Variants in TMEM14C observed in about 807,000 individuals in gnomAD.
TMEM14C encodes the protein chromosome 6 open reading frame 53.
A neutral mutation model predicts 14.8 loss-of-function variants in TMEM14C; 13 were observed. The observed-to-expected ratio is 0.88, with a 90% confidence interval of 0.57 to 1.40. TMEM14C has a LOEUF of 1.40. TMEM14C is among the 40% of genes most tolerant of loss of function. The pLI, the probability that TMEM14C is intolerant of heterozygous loss-of-function variation, is 0.00. For synonymous variants in TMEM14C, 57 were observed against 51.3 expected, an observed-to-expected ratio of 1.11 and a Z score of -0.48; for missense variants, 142 against 138.8, an observed-to-expected ratio of 1.02 and a Z score of -0.12.
intron 3 of TMEM14C, 77 bp from the exon 4 acceptor site, chr6:10,725,830 G>T: frequency 6.3e-7 from 1 of 1,577,138 alleles, no homozygotes; most frequent in Non-Finnish European, 8.7e-7. Flanking sequence ...CTCCTTTGTA[G>T]GGCAGCGGTC....
At chr6:10,724,819 T>C in intron 2 of TMEM14C, 142 bp from the exon 3 acceptor site, 1 of 1,332,776 alleles carries the variant, frequency 7.5e-7, no homozygotes, top group Non-Finnish European at 1.1e-6. Flanking sequence ...TGTGTGACTC[T>C]CAGAAAGTCA....
chr6:10,726,487 C>T (rs1465759210), intron 4 of TMEM14C, among the ~76,000 whole-genome samples: 8 of 152,170 alleles, frequency 5.3e-5, no homozygotes, highest in African/African-American at 7.2e-5. Flanking sequence ...GTGAGAAGTT[C>T]GAGACCAGCC....
At chr6:10,729,349 G>A (rs866441189) in intron 5 of TMEM14C, among the ~76,000 whole-genome samples, 3 of 152,154 alleles carry the variant, frequency 2.0e-5, no homozygotes, top group African/African-American at 7.2e-5. Flanking sequence ...TGGCCAGGCT[G>A]GTCTGGAACT....
At chr6:10,724,391 A>G in intron 1 of TMEM14C, 179 bp from the exon 2 acceptor site, 1 of 577,268 alleles carries the variant, frequency 1.7e-6, no homozygotes, top group South Asian at 2.2e-5. Flanking sequence ...AAGCACCTTT[A>G]CATGTGACAT....
intron 4 of TMEM14C, 90 bp from the exon 5 acceptor site, chr6:10,728,550 T>C: frequency 7.3e-7 from 1 of 1,372,852 alleles, no homozygotes; most frequent in South Asian, 1.2e-5. Context: ...GGCGTGAGCC[T>C]TGAGAGATGG....
At chr6:10,727,461 T>G (rs763400512) in intron 4 of TMEM14C, among the ~76,000 whole-genome samples, 25 of 151,354 alleles carry the variant, frequency 1.7e-4, no homozygotes, top group Non-Finnish European at 3.1e-4. Flanking sequence ...TATCTCAGCC[T>G]TCTAGGTAGC....
At chr6:10,724,373 T>C (rs1770792243) in intron 1 of TMEM14C, 197 bp from the exon 2 acceptor site, 1 of 545,810 alleles carries the variant, frequency 1.8e-6, no homozygotes, top group Non-Finnish European at 3.3e-6. Context: ...CAGGGTTTAC[T>C]AGGTGCTAAG....
chr6:10,723,644 T>A (rs371515930), intron 1 of TMEM14C, among the ~76,000 whole-genome samples: 1 of 138,150 alleles, frequency 7.2e-6, no homozygotes. Context: ...CTGTCGCCCA[T>A]GCTTGAGTGC....
chr6:10,724,411 G>A (rs1770793385), intron 1 of TMEM14C, 159 bp from the exon 2 acceptor site: 1 of 592,764 alleles, frequency 1.7e-6, no homozygotes, highest in Non-Finnish European at 3.0e-6. Flanking sequence ...TCCATTGAAT[G>A]CTCACTACAG....
rs1770814815 is a variant in TMEM14C, at chr6:10,725,027, T to C, written c.87T>C (p.Tyr29=). The C allele has an allele frequency of 6.2e-7, 1 of 1,614,126 alleles. No individual in the cohort carries two copies. The highest frequency in any genetic ancestry group is 1.3e-5 in the African/African-American group (1 of 74,926). ...TTGCTTCTGGTGGGATCATTGGCTATGTAAAAGCAGGTAGGGTTTTGTTGT... is the reference window on the plus strand; with the variant it reads ...TTGCTTCTGGTGGGATCATTGGCTACGTAAAAGCAGGTAGGGTTTTGTTGT... ...ALVASGGIIG[Y]VKAGSVPSLA... Residue 29 remains tyrosine, a synonymous_variant, in exon 3 of 6, where the codon TAT becomes TAC. Transcript: ENST00000229563.
At position 10,724,634 on chromosome 6, in the gene TMEM14C, G is replaced by T; in HGVS notation, c.20+1G>T. On this transcript the variant is annotated splice_donor_variant, in intron 2 of 5. Transcript: ENST00000229563. LOFTEE classifies it high-confidence loss of function. ...GAAAAATGCAGGACACTGGCTCAGT[G>T]TGAGTGCAGTAAATGGGTATGGAGT... 6.2e-7 allele frequency: 1 copy of T among 1,612,112 alleles called. No homozygotes were observed. The highest frequency in any genetic ancestry group is 8.5e-7 in the Non-Finnish European group (1 of 1,178,970).
rs1385532290 is a variant in TMEM14C at position 10,724,608 on chromosome 6, AG to A, written c.-5del. On this transcript the variant is annotated 5_prime_UTR_variant, in exon 2 of 6. Coordinates refer to ENST00000229563, the MANE Select transcript of TMEM14C (RefSeq NM_016462.4). ...GTAGTCTCCTGTCTGGACAGAGAAG[AG>A]AAAAATGCAGGACACTGGCTCAGTG... The A allele has an allele frequency of 2.5e-6, 4 of 1,612,670 alleles. No homozygotes were observed. The East Asian group carries it at 6.7e-5, about 27-fold the overall frequency.
At chr6:10,727,992 G>A (rs1770918544) in intron 4 of TMEM14C, among the ~76,000 whole-genome samples, 1 of 152,154 alleles carries the variant, frequency 6.6e-6, no homozygotes, top group Non-Finnish European at 1.5e-5. Context: ...GTGCCATGCT[G>A]CCCTTTTAGG....
At chr6:10,724,710 T>C (rs4711068) in intron 2 of TMEM14C, 77 bp downstream of exon 2, 927,260 of 1,544,594 alleles carry the variant, frequency 0.6, 283,837 homozygotes, top group Non-Finnish European at 0.63. Context: ...GAAAAGAACC[T>C]TAAGAGTAGA....
At position 10,724,982 on chromosome 6, in the gene TMEM14C, C is replaced by T. The variant is rs746169964; in HGVS notation, c.42C>T (p.Gly14=). ...TCAGAGTGCCTTTGCATTGGTTTGG[C>T]TTTGGCTACGCAGCACTGGTTGCTT... The part of the protein sequence containing the change: ...TGSVVPLHWF[G]FGYAALVASG... Residue 14 remains glycine, a synonymous_variant, in exon 3 of 6, where the codon GGC becomes GGT. Coordinates refer to ENST00000229563, the MANE Select transcript of TMEM14C (RefSeq NM_016462.4). 3 of 1,614,230 alleles carry T rather than the reference C, an allele frequency of 1.9e-6. No individual in the cohort carries two copies. In the South Asian group the frequency reaches 3.3e-5, roughly 18 times the overall value.
intron 4 of TMEM14C, among the ~76,000 whole-genome samples, chr6:10,727,839 T>A (rs1053382624): frequency 4.5e-4 from 68 of 151,414 alleles, no homozygotes; most frequent in African/African-American, 1.4e-3. Flanking sequence ...AAAAAAAAAA[T>A]GTGACTCTGT....
intron 4 of TMEM14C, among the ~76,000 whole-genome samples, 177 bp downstream of exon 4, chr6:10,726,185 G>C (rs1770854174): frequency 6.6e-6 from 1 of 152,120 alleles, no homozygotes. Flanking sequence ...GAATTATGCT[G>C]GTTTCTGTTT....
Position 10,725,887 on chromosome 6 carries a change from C to A in TMEM14C, c.98-20C>A, listed in dbSNP as rs1209412099. 6.2e-7 allele frequency: 1 copy of A among 1,612,816 alleles called. No individual in the cohort carries two copies. Among genetic ancestry groups the A allele is most frequent in the South Asian group, 1.1e-5 (1 of 91,032 alleles). On this transcript the variant is annotated intron_variant, in intron 3 of 5. Transcript: ENST00000229563. ...TAAGTGCCTGACATTACAATGCAAG[C>A]TGTGTTTGCTTCCCTCTAGGCAGCG...
intron 4 of TMEM14C, among the ~76,000 whole-genome samples, chr6:10,728,364 T>A (rs147091342): frequency 6.4e-4 from 98 of 152,142 alleles, no homozygotes; most frequent in Middle Eastern, 3.4e-3. Flanking sequence ...AACTAACATA[T>A]TGATGGCTAA....
Sources: gnomAD v4.1 joint callset for allele counts (sites outside exome capture counted in the v4.1 genomes callset) on GRCh38, gnomAD v4.1.1 for gene constraint, MANE v1.5 for transcripts, NCBI Gene and HGNC (gene_info 2026-07-23, HGNC 2026-07-21) for gene names.